The following JADE3 variants were observed in gnomAD, a reference collection of about 807,000 sequenced individuals.
JADE3 encodes the protein protein Jade-3.
A neutral mutation model predicts 50.1 loss-of-function variants in JADE3; 2 were observed. The ratio of observed to expected loss-of-function variants is 0.04; its 90% CI spans 0.02 to 0.13. The LOEUF (loss-of-function observed/expected upper bound fraction) is 0.13, where lower values mean the gene tolerates loss of function less well. Ranked by LOEUF, JADE3 falls within the 10% of genes least tolerant of loss-of-function variation. The pLI is 1.00. For missense variants in JADE3, 475 were observed against 634.4 expected, an observed-to-expected ratio of 0.75 and a Z score of 2.70; for synonymous variants, 218 against 232.9, an observed-to-expected ratio of 0.94 and a Z score of 0.58.
At chrX:47,018,626 G>A (rs782798857) in intron 4 of JADE3, among the ~76,000 whole-genome samples, 8 of 111,986 alleles carry the variant, frequency 7.1e-5, no homozygotes, top group Middle Eastern at 4.6e-3. Context: ...GAGCCGCCGC[G>A]CCCGGCCCAG....
chrX:46,968,606 T>C lies in JADE3; in HGVS notation c.-11-16278T>C, dbSNP rs782322809. ...AAAGTAAATGGATGGAAAAAAAATA[T>C]CATGCAAACACCAATCAAAAGAAAA... On this transcript the variant is annotated intron_variant, in intron 1 of 10. Coordinates refer to ENST00000614628, the MANE Select transcript of JADE3 (RefSeq NM_014735.5). 5.4e-5 allele frequency among the ~76,000 whole-genome samples: 6 copies of C among 110,107 alleles called. No homozygotes were observed. In the South Asian group the frequency reaches 1.6e-3, roughly 29 times the overall value.
chrX:47,041,046 CTCTT>C (rs1276706024), intron 8 of JADE3, among the ~76,000 whole-genome samples: 1 of 111,033 alleles, frequency 9.0e-6, no homozygotes, highest in Non-Finnish European at 1.9e-5. Context: ...TAAAGGAAAA[CTCTT>C]TCCATGGAGA....
chrX:46,987,192 C>T (rs1353375606), intron 3 of JADE3, among the ~76,000 whole-genome samples: 1 of 112,579 alleles, frequency 8.9e-6, no homozygotes, highest in Non-Finnish European at 1.9e-5. Flanking sequence ...TGGCAGAGAG[C>T]ACTCTCAGTT....
chrX:47,053,451 G>T (rs1929563639), intron 8 of JADE3, among the ~76,000 whole-genome samples: 1 of 110,293 alleles, frequency 9.1e-6, no homozygotes, highest in Non-Finnish European at 1.9e-5. Flanking sequence ...TAGAGACAGG[G>T]TTTCGCCATG....
intron 1 of JADE3, among the ~76,000 whole-genome samples, chrX:46,948,261 C>T: frequency 8.9e-6 from 1 of 112,080 alleles, no homozygotes; most frequent in Non-Finnish European, 1.9e-5. Flanking sequence ...GGACAGATTC[C>T]CTATATAGGA....
At chrX:46,927,554 A>G (rs1422074583) in intron 1 of JADE3, among the ~76,000 whole-genome samples, 2 of 112,129 alleles carry the variant, frequency 1.8e-5, no homozygotes, top group Non-Finnish European at 3.8e-5. Flanking sequence ...AGATTCACCA[A>G]AAATTGAGTA....
chrX:47,046,698 G>C (rs1929385921), intron 8 of JADE3, among the ~76,000 whole-genome samples: 1 of 111,912 alleles, frequency 8.9e-6, no homozygotes, highest in Non-Finnish European at 1.9e-5. Context: ...AGTTTATTGA[G>C]GGTTTTTATC....
intron 1 of JADE3, among the ~76,000 whole-genome samples, chrX:46,915,049 A>G (rs1459228587): frequency 4.5e-5 from 5 of 112,164 alleles, no homozygotes; most frequent in South Asian, 3.7e-4. Flanking sequence ...TCCACCAACC[A>G]TAACAACCCA....
chrX:47,007,694 A>G (rs953751946), intron 4 of JADE3, among the ~76,000 whole-genome samples: 20 of 110,943 alleles, frequency 1.8e-4, no homozygotes, highest in Non-Finnish European at 2.8e-4. Context: ...TAGACAGCAT[A>G]TATTTGGATC....
At chrX:47,013,502 G>A (rs5952984) in intron 4 of JADE3, among the ~76,000 whole-genome samples, 2,131 of 111,923 alleles carry the variant, frequency 0.019, 58 homozygotes, top group African/African-American at 0.064. Flanking sequence ...ATTTCTCAAC[G>A]TAAGCTCCAT....
chrX:47,011,573 A>G (rs781824994), intron 4 of JADE3, among the ~76,000 whole-genome samples: 27 of 111,985 alleles, frequency 2.4e-4, no homozygotes, highest in Non-Finnish European at 4.7e-4. Flanking sequence ...ATTGAGTCAT[A>G]TGGTAACTCT....
intron 1 of JADE3, among the ~76,000 whole-genome samples, chrX:46,979,270 G>A (rs1469934246): frequency 8.9e-6 from 1 of 112,140 alleles, no homozygotes; most frequent in Non-Finnish European, 1.9e-5. Context: ...AGAACAGTTT[G>A]ATAACTCTTT....
intron 1 of JADE3, among the ~76,000 whole-genome samples, chrX:46,937,539 T>G (rs1556341334): frequency 8.9e-6 from 1 of 112,408 alleles, no homozygotes. Flanking sequence ...ATTTTAGATC[T>G]TAGAGTTTTG....
intron 4 of JADE3, among the ~76,000 whole-genome samples, chrX:47,002,267 A>G (rs782212942): frequency 9.0e-6 from 1 of 111,628 alleles, no homozygotes; most frequent in South Asian, 3.7e-4. Context: ...ACCATTTTGA[A>G]TTAATTTTGT....
At chrX:46,982,930 G>A (rs1556353380) in intron 1 of JADE3, among the ~76,000 whole-genome samples, 1 of 111,654 alleles carries the variant, frequency 9.0e-6, no homozygotes, top group African/African-American at 3.3e-5. Context: ...CCGGGTTCAA[G>A]CAGTTCTCCT....
intron 1 of JADE3, among the ~76,000 whole-genome samples, chrX:46,956,473 T>C (rs1043731552): frequency 1.1e-4 from 13 of 113,148 alleles, no homozygotes; most frequent in African/African-American, 4.2e-4. Context: ...TCATATTCTC[T>C]ACCAGCCAGA....
intron 1 of JADE3, among the ~76,000 whole-genome samples, chrX:46,939,393 T>G (rs1556341863): frequency 9.0e-6 from 1 of 111,273 alleles, no homozygotes; most frequent in Non-Finnish European, 1.9e-5. Context: ...TGGCTTGGCA[T>G]CATAGGGAAT....
At chrX:47,011,949 G>A (rs782464496) in intron 4 of JADE3, among the ~76,000 whole-genome samples, 15 of 111,734 alleles carry the variant, frequency 1.3e-4, no homozygotes, top group African/African-American at 3.9e-4. Context: ...AGAATGAGTC[G>A]TCTTAAGTCC....
In JADE3 at chrX:47,059,134, C is replaced by T. The variant is rs1237193777; in HGVS notation, c.*57C>T. The stretch of plus-strand genomic sequence containing the variant: ...CCTTTGCCCCATATATTGGGGAAAA[C>T]CCATACACCAAAAGGATTTTAGCAT... On this transcript the variant is annotated 3_prime_UTR_variant, in exon 11 of 11. Coordinates refer to ENST00000614628, the MANE Select transcript of JADE3 (RefSeq NM_014735.5). 27 of 852,916 alleles carry T rather than the reference C, an allele frequency of 3.2e-5. No individual in the cohort carries two copies. Among genetic ancestry groups the T allele is most frequent in the Non-Finnish European group, 4.2e-5 (26 of 616,094 alleles). The allele number at this position is 852,916 out of a possible 1,213,427, so 70.3% of individuals were successfully genotyped here.
Sources: gnomAD v4.1 joint callset for allele counts (sites outside exome capture counted in the v4.1 genomes callset) on GRCh38, gnomAD v4.1.1 for gene constraint, MANE v1.5 for transcripts, NCBI Gene and HGNC (gene_info 2026-07-23, HGNC 2026-07-21) for gene names.